Variants in PCDHA12 observed in about 807,000 individuals in gnomAD.
PCDHA12 encodes the protein protocadherin alpha 12.
A neutral mutation model predicts 60.0 loss-of-function variants in PCDHA12; 44 were observed. The observed-to-expected ratio is 0.73, with a 90% confidence interval of 0.58 to 0.94. PCDHA12 has a LOEUF of 0.94. Among genes scored for constraint, PCDHA12 ranks in the 40% least tolerant of loss-of-function variants. The pLI is 0.00. For missense variants in PCDHA12, 1,276 were observed against 1,239.7 expected, an observed-to-expected ratio of 1.03 and a Z score of -0.44; for synonymous variants, 569 against 553.0, an observed-to-expected ratio of 1.03 and a Z score of -0.40.
intron 1 of PCDHA12, among the ~76,000 whole-genome samples, chr5:140,912,818 A>T (rs2076075875): frequency 6.6e-6 from 1 of 152,052 alleles, no homozygotes; most frequent in South Asian, 2.1e-4. Context: ...TCATAAAGGG[A>T]TTTTGAATTT....
At chr5:140,982,748 G>C (rs2097001127) in intron 3 of PCDHA12, among the ~76,000 whole-genome samples, 185 bp downstream of exon 3, 1 of 151,896 alleles carries the variant, frequency 6.6e-6, no homozygotes, top group African/African-American at 2.4e-5. Flanking sequence ...TGCTCTTCAG[G>C]AGTTGAAAAA....
In PCDHA12 at chr5:140,927,203, C is replaced by T. The variant is rs782141467; in HGVS notation, c.2367+49364C>T. ...ACCTACGACCTGGTGCTCGAGGACC[C>T]GCTGGAGCTGCACAAGATTCGGATT... On this transcript the variant is annotated intron_variant, in intron 1 of 3. Transcript: ENST00000398631. 65 of 1,614,104 alleles carry T rather than the reference C, an allele frequency of 4.0e-5. No homozygotes were observed. Among genetic ancestry groups the T allele is most frequent in the Non-Finnish European group, 5.1e-5 (60 of 1,180,040 alleles).
intron 1 of PCDHA12, among the ~76,000 whole-genome samples, chr5:140,959,306 T>C (rs1554224009): frequency 6.6e-6 from 1 of 152,072 alleles, no homozygotes. Flanking sequence ...AGCCCGGTGG[T>C]TGAAGCTGCA....
intron 1 of PCDHA12, among the ~76,000 whole-genome samples, chr5:140,926,200 G>A (rs1050721250): frequency 6.6e-6 from 1 of 151,674 alleles, no homozygotes; most frequent in Non-Finnish European, 1.5e-5. Context: ...ACTTCTTTCG[G>A]GGGGCTCCTG....
chr5:140,896,283 T>TG (rs1440417603), intron 1 of PCDHA12, among the ~76,000 whole-genome samples: 4 of 152,258 alleles, frequency 2.6e-5, no homozygotes, highest in Admixed American at 6.5e-5. Context: ...CTGGCTTGAA[T>TG]GGTAAGTTCT....
intron 1 of PCDHA12, among the ~76,000 whole-genome samples, chr5:140,937,259 G>A (rs1306999153): frequency 1.3e-5 from 2 of 151,850 alleles, no homozygotes; most frequent in East Asian, 3.9e-4. Context: ...GGATGGTCTC[G>A]ATCTCCTGAC....
intron 1 of PCDHA12, among the ~76,000 whole-genome samples, chr5:140,886,130 C>T (rs2060865178): frequency 6.6e-6 from 1 of 152,144 alleles, no homozygotes; most frequent in African/African-American, 2.4e-5. Flanking sequence ...TCCGTAACAA[C>T]CAGATTCTTG....
At chr5:140,946,591 AATAG>A (rs1237639683) in intron 1 of PCDHA12, among the ~76,000 whole-genome samples, 7 of 119,490 alleles carry the variant, frequency 5.9e-5, no homozygotes, top group African/African-American at 2.9e-4. Flanking sequence ...ATAGTGGATG[AATAG>A]ATAAAGAAAA....
rs1197047985 is a variant in PCDHA12 at position 140,875,738 on chromosome 5, G to C, written c.266G>C (p.Arg89Pro). ...LQNGILFVNS[R>P]IDREKLCGRS... ...AATGGCATTTTGTTTGTGAATTCTC[G>C]GATCGACCGCGAGAAGCTGTGCGGG... is the stretch of plus-strand genomic sequence containing the variant. Residue 89 changes from arginine (R) to proline (P), a missense_variant, in exon 1 of 4, where the codon CGG (arginine) becomes CCG (proline). Coordinates refer to ENST00000398631, the MANE Select transcript of PCDHA12 (RefSeq NM_018903.4). 1 of 1,614,204 alleles carries C rather than the reference G, an allele frequency of 6.2e-7. No homozygotes were observed. Among genetic ancestry groups the C allele is most frequent in the Non-Finnish European group, 8.5e-7 (1 of 1,180,036 alleles).
chr5:140,923,339 A>C (rs1341190939), intron 1 of PCDHA12, among the ~76,000 whole-genome samples: 2 of 152,154 alleles, frequency 1.3e-5, no homozygotes, highest in Non-Finnish European at 2.9e-5. Context: ...CAGTTTGGGC[A>C]ACATAGTGGG....
intron 1 of PCDHA12, among the ~76,000 whole-genome samples, chr5:140,945,574 G>C (rs2153670366): frequency 6.6e-6 from 1 of 151,978 alleles, no homozygotes; most frequent in Middle Eastern, 3.4e-3. Context: ...ATACTACCTG[G>C]CTTCAAAATA....
chr5:140,940,450 A>G (rs1279490375), intron 1 of PCDHA12, among the ~76,000 whole-genome samples: 1 of 151,884 alleles, frequency 6.6e-6, no homozygotes, highest in Non-Finnish European at 1.5e-5. Flanking sequence ...GATATTTTTT[A>G]TAGGTTTCTG....
At position 140,969,258 on chromosome 5, in the gene PCDHA12, A is replaced by T. The variant is rs782513796; in HGVS notation, c.2368-9691A>T. ...CAAGCAGCAGTGACTGACAGCAGGA[A>T]TCTCACAGGCCAAAGTGGTCAGAAT... On this transcript the variant is annotated intron_variant, in intron 1 of 3. Transcript: ENST00000398631. The T allele has an allele frequency of 3.7e-6, 6 of 1,614,106 alleles. No homozygotes were observed. The East Asian group carries it at 1.3e-4, about 36-fold the overall frequency.
intron 1 of PCDHA12, among the ~76,000 whole-genome samples, chr5:140,903,475 A>C (rs1186809574): frequency 6.6e-6 from 1 of 152,220 alleles, no homozygotes; most frequent in African/African-American, 2.4e-5. Flanking sequence ...TATTCCTTGC[A>C]TTATAGTTCT....
intron 3 of PCDHA12, among the ~76,000 whole-genome samples, chr5:140,992,037 G>A (rs2153898781): frequency 6.6e-6 from 1 of 152,006 alleles, no homozygotes; most frequent in East Asian, 1.9e-4. Context: ...GTGTGTGTGT[G>A]TGTGTGTGTG....
intron 1 of PCDHA12, among the ~76,000 whole-genome samples, chr5:140,963,188 G>A (rs1333064851): frequency 6.6e-6 from 1 of 151,712 alleles, no homozygotes; most frequent in African/African-American, 2.4e-5. Context: ...GCTGTAGACT[G>A]TGAAAATGAA....
chr5:140,941,304 CTTTT>C (rs2093021953), intron 1 of PCDHA12, among the ~76,000 whole-genome samples: 1 of 84,848 alleles, frequency 1.2e-5, no homozygotes, highest in African/African-American at 4.2e-5. Context: ...TTCTTTCTTT[CTTTT>C]TCTTCTTTCT....
intron 1 of PCDHA12, among the ~76,000 whole-genome samples, chr5:140,924,871 G>C: frequency 6.7e-6 from 1 of 149,164 alleles, no homozygotes; most frequent in Non-Finnish European, 1.5e-5. Flanking sequence ...CTCCAGCCTG[G>C]GTGACAGAGC....
intron 1 of PCDHA12, chr5:140,882,691 C>G (rs201544181): frequency 1.2e-6 from 2 of 1,614,216 alleles, no homozygotes; most frequent in Admixed American, 1.7e-5. Context: ...AACGAATAAT[C>G]ATTGCAGAAT....
Sources: allele counts gnomAD v4.1 joint callset (sites outside exome capture counted in the v4.1 genomes callset), GRCh38; gene constraint gnomAD v4.1.1; transcripts MANE v1.5; gene names NCBI Gene and HGNC (gene_info 2026-07-23, HGNC 2026-07-21).